KIF26B: variants seen among roughly 807,000 people sequenced by gnomAD.
KIF26B encodes kinesin family member 26B, also known as kinesin-like protein KIF26B.
KIF26B carries 63 observed loss-of-function variants against 151.2 expected under a neutral mutation model. The ratio of observed to expected loss-of-function variants is 0.42; its 90% CI spans 0.34 to 0.51. The LOEUF is 0.51. KIF26B is among the 20% of genes least tolerant of loss of function. The pLI, the probability that KIF26B is intolerant of heterozygous loss-of-function variation, is 0.07. For missense variants in KIF26B, 2,813 were observed against 2,913.6 expected (o/e 0.97, Z 0.79); for synonymous variants, 1,357 against 1,262.1 (o/e 1.08, Z -1.59).
intron 2 of KIF26B, among the ~76,000 whole-genome samples, chr1:245,175,869 C>T (rs1668793442): frequency 6.6e-6 from 1 of 150,472 alleles, no homozygotes; most frequent in Admixed American, 6.6e-5. Flanking sequence ...AATGTTTATT[C>T]CCTGTGAGAC....
intron 4 of KIF26B, among the ~76,000 whole-genome samples, chr1:245,464,268 G>A (rs1659715039): frequency 6.6e-6 from 1 of 152,252 alleles, no homozygotes; most frequent in Non-Finnish European, 1.5e-5. Context: ...GCAGTGAGGG[G>A]TGAGTCGATG....
intron 4 of KIF26B, among the ~76,000 whole-genome samples, chr1:245,476,808 G>C (rs1453400390): frequency 2.0e-5 from 3 of 151,746 alleles, no homozygotes; most frequent in African/African-American, 7.3e-5. Flanking sequence ...TTACAGACGA[G>C]AGCCACCGCA....
intron 10 of KIF26B, among the ~76,000 whole-genome samples, chr1:245,647,538 A>G (rs1360705181): frequency 6.6e-6 from 1 of 151,984 alleles, no homozygotes; most frequent in East Asian, 1.9e-4. Context: ...GCCTATCCTC[A>G]CCTATTTAAA....
intron 2 of KIF26B, among the ~76,000 whole-genome samples, chr1:245,303,575 T>C (rs930120637): frequency 6.6e-6 from 1 of 152,240 alleles, no homozygotes; most frequent in Non-Finnish European, 1.5e-5. Flanking sequence ...TCGCACAATC[T>C]TAGCAGAATT....
intron 4 of KIF26B, among the ~76,000 whole-genome samples, chr1:245,465,207 T>C (rs2103060326): frequency 6.6e-6 from 1 of 152,278 alleles, no homozygotes; most frequent in Admixed American, 6.5e-5. Context: ...CTCCATCTCC[T>C]GACCTCGTGA....
At chr1:245,299,104 C>T (rs775234582) in intron 2 of KIF26B, among the ~76,000 whole-genome samples, 15 of 152,204 alleles carry the variant, frequency 9.9e-5, no homozygotes, top group Non-Finnish European at 2.1e-4. Context: ...AGCTCGCTGC[C>T]TCCCGCCTGC....
intron 2 of KIF26B, among the ~76,000 whole-genome samples, chr1:245,332,255 TG>T (rs1672129355): frequency 6.6e-6 from 1 of 152,176 alleles, no homozygotes; most frequent in South Asian, 2.1e-4. Flanking sequence ...TGGAGGAGTG[TG>T]TAGGCCAACC....
intron 2 of KIF26B, among the ~76,000 whole-genome samples, chr1:245,361,109 C>T (rs1672808691): frequency 6.6e-6 from 1 of 152,216 alleles, no homozygotes; most frequent in Admixed American, 6.5e-5. Flanking sequence ...TTAAACATCT[C>T]CCTTTTCTTT....
rs530539047 is a variant in KIF26B at position 245,681,771 on chromosome 1, T to G, written c.2259-2462T>G. On this transcript the variant is annotated intron_variant, in intron 10 of 14. Transcript: ENST00000407071. ...ATCATGTTACCCAAGGGAAGGAAAG[T>G]ATTAAACCCTTCTTGGCTAGTGTTT... is the stretch of plus-strand genomic sequence containing the variant. Among the ~76,000 whole-genome samples the G allele has an allele frequency of 1.8e-4, 27 of 152,338 alleles. 1 individual carries two copies. In the East Asian group the frequency reaches 5.2e-3, roughly 29 times the overall value.
At chr1:245,689,898 T>C (rs1405228394) in intron 12 of KIF26B, among the ~76,000 whole-genome samples, 2 of 152,208 alleles carry the variant, frequency 1.3e-5, no homozygotes, top group Non-Finnish European at 2.9e-5. Context: ...AAAAGGCACG[T>C]ACTCCAGAAT....
At chr1:245,647,236 T>C (rs2043960310) in intron 10 of KIF26B, among the ~76,000 whole-genome samples, 1 of 151,846 alleles carries the variant, frequency 6.6e-6, no homozygotes. Context: ...CCATCCTGGC[T>C]AACACGGTGA....
chr1:245,679,213 G>A (rs2044396475), intron 10 of KIF26B, among the ~76,000 whole-genome samples: 1 of 152,114 alleles, frequency 6.6e-6, no homozygotes, highest in Admixed American at 6.5e-5. Context: ...AAATAGATGT[G>A]GCTGTGTTTT....
intron 6 of KIF26B, 61 bp from the exon 7 acceptor site, chr1:245,607,590 G>A: frequency 7.2e-7 from 1 of 1,379,338 alleles, no homozygotes; most frequent in Admixed American, 2.0e-5. Flanking sequence ...CACTTTCGTT[G>A]TTAGTGGTGT....
intron 4 of KIF26B, among the ~76,000 whole-genome samples, chr1:245,447,270 G>A (rs60573008): frequency 0.083 from 12,568 of 152,278 alleles, 754 homozygotes; most frequent in East Asian, 0.26. Flanking sequence ...GGACTCATGG[G>A]TAATGGTCTA....
In KIF26B at chr1:245,568,629, G is replaced by A. The variant is rs192044555; in HGVS notation, c.1350+27679G>A. ...GGAGCTAGCGGTTTATTGCTGGTCC[G>A]AACCAGCAACATCACAGCTGGCCCT... On this transcript the variant is annotated intron_variant, in intron 5 of 14. Coordinates refer to ENST00000407071, the MANE Select transcript of KIF26B (RefSeq NM_018012.4). Among the ~76,000 whole-genome samples the A allele has an allele frequency of 5.9e-5, 9 of 152,320 alleles. No individual in the cohort carries two copies. The East Asian group carries it at 1.3e-3, about 23-fold the overall frequency.
chr1:245,156,419 GACCCCGTCTCCCGGCTCGGGC>G lies in KIF26B; in HGVS notation c.205_225del (p.Pro69_Thr75del). 2.0e-6 allele frequency: 3 copies of G among 1,531,340 alleles called. No individual in the cohort carries two copies. Among genetic ancestry groups the G allele is most frequent in the East Asian group, 2.5e-5 (1 of 39,724 alleles). The allele number at this position is 1,531,340 out of a possible 1,614,324, so 94.9% of individuals were successfully genotyped here. ...CGGGCTCAGCGCTCGGCTCCTCGGG[GACCCCGTCTCCCGGCTCGGGC>G]ACCTCGTCCCCGAGCTCGTTCACCG... On this transcript the variant is annotated inframe_deletion, in exon 2 of 15. Coordinates refer to ENST00000407071, the MANE Select transcript of KIF26B (RefSeq NM_018012.4).
At position 245,607,728 on chromosome 1, in the gene KIF26B, C is replaced by T. The variant is rs752752003; in HGVS notation, c.1635C>T (p.Phe545=). 1.1e-5 allele frequency: 18 copies of T among 1,612,290 alleles called. No homozygotes were observed. The highest frequency in any genetic ancestry group is 1.7e-4 in the Middle Eastern group (1 of 6,060). The part of the protein sequence containing the change: ...VNGADGCVFC[F]GHAKLGKSYT... ...GGGCAGATGGCTGCGTGTTCTGTTTCGGCCACGCCAAACTGGGTTCGTGAG... is the reference window on the plus strand; with the variant it reads ...GGGCAGATGGCTGCGTGTTCTGTTTTGGCCACGCCAAACTGGGTTCGTGAG... The change falls in exon 7 of 15, where the codon TTC becomes TTT. Residue 545 remains phenylalanine (F), a synonymous_variant. Coordinates refer to ENST00000407071, the MANE Select transcript of KIF26B (RefSeq NM_018012.4).
chr1:245,671,882 C>A (rs112117975), intron 10 of KIF26B, among the ~76,000 whole-genome samples: 5 of 152,178 alleles, frequency 3.3e-5, no homozygotes, highest in African/African-American at 1.2e-4. Flanking sequence ...AAGCTCACAG[C>A]GTGTTCAGGG....
chr1:245,273,072 T>C (rs1164864098), intron 2 of KIF26B, among the ~76,000 whole-genome samples: 1 of 152,126 alleles, frequency 6.6e-6, no homozygotes, highest in Non-Finnish European at 1.5e-5. Flanking sequence ...GTTTTTTTTT[T>C]ATTAGCCTTT....
Sources: gnomAD v4.1 joint callset for allele counts (sites outside exome capture counted in the v4.1 genomes callset) on GRCh38, gnomAD v4.1.1 for gene constraint, MANE v1.5 for transcripts, NCBI Gene and HGNC (gene_info 2026-07-23, HGNC 2026-07-21) for gene names.